The following TEAD4 variants were observed in gnomAD, a reference collection of about 807,000 sequenced individuals.
TEAD4 encodes the protein transcriptional enhancer factor TEF-3.
Under a neutral mutation model 52.4 loss-of-function variants are expected in TEAD4, and 36 were observed. That is an observed-to-expected ratio of 0.69 (90% CI 0.53 to 0.91). TEAD4 has a LOEUF of 0.91. Among genes scored for constraint, TEAD4 ranks in the 40% least tolerant of loss-of-function variants. The pLI, the probability that TEAD4 is intolerant of heterozygous loss-of-function variation, is 0.00. For missense variants in TEAD4, 508 were observed against 583.9 expected (o/e 0.87, Z 1.34); for synonymous variants, 220 against 231.0 (o/e 0.95, Z 0.43).
At chr12:3,018,702 G>A (rs139857463) in intron 7 of TEAD4, 114 bp downstream of exon 7, 33 of 1,355,580 alleles carry the variant, frequency 2.4e-5, no homozygotes, top group Non-Finnish European at 3.0e-5. Flanking sequence ...TGCTGGGGTC[G>A]GCCTTTCAGG....
At chr12:3,015,906 C>T (rs796334168) in intron 5 of TEAD4, among the ~76,000 whole-genome samples, 19 of 151,938 alleles carry the variant, frequency 1.3e-4, no homozygotes, top group African/African-American at 3.9e-4. Context: ...TGGGTGGGGG[C>T]GGTGGCTCAT....
chr12:3,004,822 C>T (rs1024408885), intron 3 of TEAD4, among the ~76,000 whole-genome samples: 2 of 152,172 alleles, frequency 1.3e-5, no homozygotes, highest in Admixed American at 6.5e-5. Flanking sequence ...GATTAGATGC[C>T]AGCTGGCCTG....
At position 3,040,412 on chromosome 12, in the gene TEAD4, T is replaced by C; in HGVS notation, c.1239T>C (p.Tyr413=). Reference sequence around the variant, plus strand: ...AGGAGACCTTGCTGTGCATTGCCTATGTCTTTGAGGTGTCAGCCAGTGAGC... The same window carrying C: ...AGGAGACCTTGCTGTGCATTGCCTACGTCTTTGAGGTGTCAGCCAGTGAGC... The change falls in exon 13 of 13, where the codon TAT becomes TAC. Residue 413 remains tyrosine, a synonymous_variant. Transcript: ENST00000359864. 6.2e-7 allele frequency: 1 copy of C among 1,614,124 alleles called. No homozygotes were observed. Among genetic ancestry groups the C allele is most frequent in the Non-Finnish European group, 8.5e-7 (1 of 1,180,028 alleles).
At chr12:3,039,343 C>T (rs888778733) in intron 11 of TEAD4, among the ~76,000 whole-genome samples, 1 of 152,232 alleles carries the variant, frequency 6.6e-6, no homozygotes, top group African/African-American at 2.4e-5. Context: ...GCGCTTTACC[C>T]AGCTCTTGCC....
In TEAD4 at chr12:2,967,176, AG is replaced by A. The variant is rs2098221130; in HGVS notation, c.-30+7137del. On this transcript the variant is annotated intron_variant, in intron 2 of 12. Coordinates refer to ENST00000359864, the MANE Select transcript of TEAD4 (RefSeq NM_003213.4). ...ACATTGTAGGAACCCTGGAAAATAA[AG>A]AAAGGCATAAAGGAAAAAAATGATA... 4.0e-5 allele frequency among the ~76,000 whole-genome samples: 6 copies of A among 151,458 alleles called. No individual in the cohort carries two copies. The South Asian group carries it at 1.3e-3, about 32-fold the overall frequency.
At position 3,008,645 on chromosome 12, in the gene TEAD4, G is replaced by GT. The variant is rs2098257770; in HGVS notation, c.227-2358dup. Among the ~76,000 whole-genome samples the GT allele has an allele frequency of 2.0e-5, 3 of 152,288 alleles. No homozygotes were observed. In the South Asian group the frequency reaches 6.2e-4, roughly 32 times the overall value. ...GAGGGTGCGGTGGTGCACAGTGGCTGTATGAATTCTGGATATGTTTTGGAG... is the reference window on the plus strand; with the variant it reads ...GAGGGTGCGGTGGTGCACAGTGGCTGTTATGAATTCTGGATATGTTTTGGAG... On this transcript the variant is annotated intron_variant, in intron 3 of 12. Coordinates refer to ENST00000359864, the MANE Select transcript of TEAD4 (RefSeq NM_003213.4).
Position 3,012,983 on chromosome 12 carries a change from G to A in TEAD4, c.354+751G>A, listed in dbSNP as rs2098261542. On this transcript the variant is annotated intron_variant, in intron 5 of 12. Transcript: ENST00000359864. ...TTATTTATTTTTAGAGACAGGATCT[G>A]TCTCTGTCACCCACGCTCAGTGCAG... is the stretch of plus-strand genomic sequence containing the variant. 2.6e-5 allele frequency among the ~76,000 whole-genome samples: 4 copies of A among 152,214 alleles called. No homozygotes were observed. In the South Asian group the frequency reaches 8.3e-4, roughly 32 times the overall value.
intron 2 of TEAD4, among the ~76,000 whole-genome samples, chr12:2,967,752 G>C (rs1180582347): frequency 6.6e-6 from 1 of 152,172 alleles, no homozygotes; most frequent in East Asian, 1.9e-4. Context: ...TCAGCCCTGT[G>C]AGAAAGGTTT....
chr12:3,018,850 C>T (rs2098266526), intron 7 of TEAD4, among the ~76,000 whole-genome samples: 3 of 152,122 alleles, frequency 2.0e-5, no homozygotes. Context: ...TGGGGTCCCC[C>T]AGGGGAGGAG....
At chr12:3,035,541 G>T (rs191469684) in intron 10 of TEAD4, among the ~76,000 whole-genome samples, 2 of 152,274 alleles carry the variant, frequency 1.3e-5, no homozygotes, top group Non-Finnish European at 1.5e-5. Context: ...TAGGAGACAG[G>T]CCAGGTGCAG....
chr12:3,028,418 G>T (rs2098273372), intron 10 of TEAD4, among the ~76,000 whole-genome samples: 1 of 152,152 alleles, frequency 6.6e-6, no homozygotes, highest in African/African-American at 2.4e-5. Flanking sequence ...GTTCCCACCT[G>T]CAGGGTATGA....
chr12:2,980,752 TG>T (rs1399396415), intron 2 of TEAD4, among the ~76,000 whole-genome samples: 1 of 146,276 alleles, frequency 6.8e-6, no homozygotes, highest in African/African-American at 2.5e-5. Flanking sequence ...AAAAAAAAGT[TG>T]GCAAAATAGG....
intron 10 of TEAD4, among the ~76,000 whole-genome samples, chr12:3,028,401 G>A (rs545352511): frequency 1.5e-4 from 23 of 152,228 alleles, no homozygotes; most frequent in African/African-American, 4.8e-4. Context: ...TGGCTGCACC[G>A]TTTTCTGTTC....
chr12:3,029,681 C>A (rs948282881), intron 10 of TEAD4, among the ~76,000 whole-genome samples: 3 of 152,124 alleles, frequency 2.0e-5, no homozygotes, highest in African/African-American at 7.2e-5. Flanking sequence ...GTGCCTGGCC[C>A]CTTTTCACAT....
At position 2,994,715 on chromosome 12, in the gene TEAD4, G is replaced by C. The variant is rs780328807; in HGVS notation, c.-29-23G>C. 2.6e-6 allele frequency: 4 copies of C among 1,541,364 alleles called. No individual in the cohort carries two copies. The highest frequency in any genetic ancestry group is 2.7e-5 in the African/African-American group (2 of 72,956). ...ACGCAGTTCTTCCACTGCTCACCGG[G>C]GCTGTGGTTCCTGTCCCCACAGGTC... On this transcript the variant is annotated intron_variant, in intron 2 of 12. Coordinates refer to ENST00000359864, the MANE Select transcript of TEAD4 (RefSeq NM_003213.4). The surrounding 1 kb of genome is among the most constrained non-coding windows in gnomAD (Gnocchi z 4.7).
Position 2,990,793 on chromosome 12 carries a change from C to T in TEAD4, c.-29-3945C>T, listed in dbSNP as rs28533121. 4.3e-3 allele frequency among the ~76,000 whole-genome samples: 648 copies of T among 152,206 alleles called. 37 individuals carry two copies. In the East Asian group the frequency reaches 0.11, roughly 25 times the overall value. On this transcript the variant is annotated intron_variant, in intron 2 of 12. Transcript: ENST00000359864. ...GAGAACGCCTGGCCCAGAGAATCTT[C>T]GCTGTCATATTTTGTCAGTGTTCTA...
At chr12:2,962,855 G>A (rs2098216914) in intron 2 of TEAD4, among the ~76,000 whole-genome samples, 1 of 152,178 alleles carries the variant, frequency 6.6e-6, no homozygotes, top group Non-Finnish European at 1.5e-5. Flanking sequence ...TGGCAGAGCA[G>A]GGATTAGAAC....
intron 10 of TEAD4, among the ~76,000 whole-genome samples, chr12:3,025,456 G>C (rs1413889580): frequency 1.3e-5 from 2 of 151,958 alleles, no homozygotes; most frequent in African/African-American, 4.8e-5. Context: ...CCTTATACTT[G>C]ACTGATTGGT....
chr12:3,022,019 T>C lies in TEAD4; in HGVS notation c.897+2T>C. The C allele has an allele frequency of 6.2e-7, 1 of 1,613,952 alleles. No homozygotes were observed. Among genetic ancestry groups the C allele is most frequent in the Non-Finnish European group, 8.5e-7 (1 of 1,179,856 alleles). On this transcript the variant is annotated splice_donor_variant, in intron 10 of 12. Coordinates refer to ENST00000359864, the MANE Select transcript of TEAD4 (RefSeq NM_003213.4). LOFTEE classifies it high-confidence loss of function. ...GCCTTTTTTCTTGTGAAGTTCTGGGTAAGCCTGTGATAACCCCTTCTTTCC... is the reference window on the plus strand; with the variant it reads ...GCCTTTTTTCTTGTGAAGTTCTGGGCAAGCCTGTGATAACCCCTTCTTTCC...
Sources: gnomAD v4.1 joint callset for allele counts (sites outside exome capture counted in the v4.1 genomes callset) on GRCh38, gnomAD v4.1.1 for gene constraint, Gnocchi (gnomAD v3.1) non-coding constraint, MANE v1.5 for transcripts, NCBI Gene and HGNC (gene_info 2026-07-23, HGNC 2026-07-21) for gene names.